ATP10B: variants seen among roughly 807,000 people sequenced by gnomAD.
ATP10B encodes the protein phospholipid-transporting ATPase VB.
A neutral mutation model predicts 141.2 loss-of-function variants in ATP10B; 122 were observed. The ratio of observed to expected loss-of-function variants is 0.86; its 90% CI spans 0.75 to 1.00. The LOEUF (loss-of-function observed/expected upper bound fraction) is 1.00, where lower values mean the gene tolerates loss of function less well. Among genes scored for constraint, ATP10B ranks in the 50% least tolerant of loss-of-function variants. The pLI, the probability that ATP10B is intolerant of heterozygous loss-of-function variation, is 0.00. For synonymous variants in ATP10B, 685 were observed against 692.0 expected, an observed-to-expected ratio of 0.99 and a Z score of 0.16; for missense variants, 1,876 against 1,825.3, an observed-to-expected ratio of 1.03 and a Z score of -0.51.
chr5:160,776,367 ATCTT>A (rs749278252), intron 2 of ATP10B, among the ~76,000 whole-genome samples: 1 of 152,214 alleles, frequency 6.6e-6, no homozygotes, highest in Non-Finnish European at 1.5e-5. Flanking sequence ...AGGAGAAACA[ATCTT>A]TCAGGAACAG....
At chr5:160,615,790 A>G in intron 17 of ATP10B, 48 bp downstream of exon 17, 2 of 1,593,090 alleles carry the variant, frequency 1.3e-6, no homozygotes, top group East Asian at 2.3e-5. Flanking sequence ...TCCCTTCTCA[A>G]CTGGCTGCAT....
chr5:160,886,197 C>T, the ATP10B span, among the ~76,000 whole-genome samples: 2 of 152,068 alleles, frequency 1.3e-5, no homozygotes, highest in African/African-American at 4.8e-5. Context: ...CAAGCAAGGA[C>T]ATGAGAAACA....
At chr5:160,885,228 C>A in the ATP10B span, among the ~76,000 whole-genome samples, 91,145 of 152,082 alleles carry the variant, frequency 0.6, 29,459 homozygotes, top group East Asian at 0.85. Flanking sequence ...GGGAGAATTG[C>A]AGAGCTCTGA....
At chr5:160,657,030 T>G (rs1299391108) in intron 7 of ATP10B, among the ~76,000 whole-genome samples, 1 of 152,146 alleles carries the variant, frequency 6.6e-6, no homozygotes, top group African/African-American at 2.4e-5. Flanking sequence ...GGGATAAGGA[T>G]AGCAAAATGG....
chr5:160,691,567 A>G (rs1764078927), intron 3 of ATP10B, among the ~76,000 whole-genome samples: 2 of 152,214 alleles, frequency 1.3e-5, no homozygotes, highest in Admixed American at 1.3e-4. Context: ...TTTCTTTTGA[A>G]TAAGTGGATG....
chr5:160,736,661 G>A (rs1176799763), intron 2 of ATP10B, among the ~76,000 whole-genome samples: 5 of 152,184 alleles, frequency 3.3e-5, no homozygotes, highest in Non-Finnish European at 5.9e-5. Context: ...CTGGGAGGCT[G>A]AGGCAGAAGA....
At chr5:160,929,230 T>A in the ATP10B span, among the ~76,000 whole-genome samples, 1 of 152,092 alleles carries the variant, frequency 6.6e-6, no homozygotes, top group East Asian at 1.9e-4. Context: ...ACCTCCTACC[T>A]CCTTGGTGTA....
chr5:160,664,293 G>A (rs1762178435), intron 7 of ATP10B, among the ~76,000 whole-genome samples: 1 of 152,174 alleles, frequency 6.6e-6, no homozygotes, highest in African/African-American at 2.4e-5. Context: ...TGACATCACT[G>A]AACTGGGAAG....
At position 160,682,805 on chromosome 5, in the gene ATP10B, C is replaced by T. The variant is rs905048107; in HGVS notation, c.470+3274G>A. Among the ~76,000 whole-genome samples, 23 of 151,936 alleles carry T rather than the reference C, an allele frequency of 1.5e-4. No individual in the cohort carries two copies. The East Asian group carries it at 3.9e-3, about 26-fold the overall frequency. On this transcript the variant is annotated intron_variant, in intron 6 of 25. Coordinates refer to ENST00000327245, the MANE Select transcript of ATP10B (RefSeq NM_025153.3). ...CTGTAATCCCAGCACTTTGGGAGGC[C>T]GAGGCGGGCGGATCACGAAGTCAGG...
the ATP10B span, among the ~76,000 whole-genome samples, chr5:160,928,388 C>T: frequency 9.2e-5 from 14 of 152,096 alleles, no homozygotes; most frequent in South Asian, 4.1e-4. Context: ...GGATTGGGGC[C>T]GTCACCTCTG....
chr5:160,726,610 TAG>T (rs1491224837), intron 2 of ATP10B, among the ~76,000 whole-genome samples: 1 of 118,358 alleles, frequency 8.4e-6, no homozygotes, highest in Non-Finnish European at 1.6e-5. Context: ...TGAGAGAAGA[TAG>T]AGAGTTGAAA....
At chr5:160,651,841 CA>C (rs1760763595) in intron 7 of ATP10B, among the ~76,000 whole-genome samples, 1 of 152,124 alleles carries the variant, frequency 6.6e-6, no homozygotes, top group Non-Finnish European at 1.5e-5. Context: ...CTTTCAGGGA[CA>C]AACACTTGCT....
At chr5:160,840,240 A>G (rs1247082409) in intron 1 of ATP10B, among the ~76,000 whole-genome samples, 1 of 152,050 alleles carries the variant, frequency 6.6e-6, no homozygotes, top group East Asian at 1.9e-4. Context: ...AGTTAGATAT[A>G]TTGGGACTAA....
At chr5:160,893,749 G>A in the ATP10B span, among the ~76,000 whole-genome samples, 1 of 152,188 alleles carries the variant, frequency 6.6e-6, no homozygotes, top group Admixed American at 6.5e-5. Context: ...TCCTAACTGG[G>A]AGACACCTCC....
the ATP10B span, among the ~76,000 whole-genome samples, chr5:160,916,260 G>C: frequency 6.6e-6 from 1 of 152,208 alleles, no homozygotes; most frequent in Non-Finnish European, 1.5e-5. Context: ...AAGTACACAA[G>C]GCTGAGAATC....
At chr5:160,721,799 T>C (rs1248573141) in intron 2 of ATP10B, among the ~76,000 whole-genome samples, 1 of 152,120 alleles carries the variant, frequency 6.6e-6, no homozygotes, top group Non-Finnish European at 1.5e-5. Context: ...TTAGATTCTA[T>C]GAGATGCTCC....
chr5:160,876,529 T>A, the ATP10B span, among the ~76,000 whole-genome samples: 1 of 146,136 alleles, frequency 6.8e-6, no homozygotes. Flanking sequence ...AAGAAATAAC[T>A]AAAATCAGAG....
chr5:160,614,632 A>C (rs2127640932), intron 17 of ATP10B: 1 of 152,354 alleles, frequency 6.6e-6, no homozygotes, highest in East Asian at 1.9e-4. Flanking sequence ...GACATAGGAA[A>C]CCAAAGGCTG....
chr5:160,912,416 A>G, the ATP10B span, among the ~76,000 whole-genome samples: 1 of 62,600 alleles, frequency 1.6e-5, no homozygotes, highest in South Asian at 4.2e-4. Context: ...GTTTCTACCA[A>G]AAAAAAAAAA....
Sources: gnomAD v4.1 joint callset for allele counts (sites outside exome capture counted in the v4.1 genomes callset) on GRCh38, gnomAD v4.1.1 for gene constraint, MANE v1.5 for transcripts, NCBI Gene and HGNC (gene_info 2026-07-23, HGNC 2026-07-21) for gene names.